Variants in DOCK10 observed in about 807,000 individuals in gnomAD.
DOCK10 encodes the protein dedicator of cytokinesis 10, also known as dedicator of cytokinesis protein 10.
A neutral mutation model predicts 280.1 loss-of-function variants in DOCK10; 145 were observed. That is an observed-to-expected ratio of 0.52 (90% CI 0.45 to 0.59). DOCK10 has a LOEUF of 0.59. Ranked by LOEUF, DOCK10 falls within the 20% of genes least tolerant of loss-of-function variation. DOCK10 has a pLI of 0.00. For missense variants in DOCK10, 2,368 were observed against 2,651.7 expected, an observed-to-expected ratio of 0.89 and a Z score of 2.35; for synonymous variants, 915 against 942.2, an observed-to-expected ratio of 0.97 and a Z score of 0.53.
intron 1 of DOCK10, among the ~76,000 whole-genome samples, chr2:224,979,174 G>C (rs901940324): frequency 6.6e-6 from 1 of 152,076 alleles, no homozygotes; most frequent in Non-Finnish European, 1.5e-5. Context: ...CAGTTAGTGG[G>C]GTTATAGTTA....
intron 11 of DOCK10, 54 bp from the exon 12 acceptor site, chr2:224,865,141 A>G (rs1574959714): frequency 3.1e-5 from 47 of 1,540,660 alleles, no homozygotes; most frequent in Non-Finnish European, 4.1e-5. Context: ...TATCCATGAG[A>G]CAGCCTCGTT....
At position 224,807,756 on chromosome 2, in the gene DOCK10, T is replaced by C. The variant is rs1182892841; in HGVS notation, c.3614A>G (p.Tyr1205Cys). 1 of 1,571,280 alleles carries C rather than the reference T, an allele frequency of 6.4e-7. No homozygotes were observed. Among genetic ancestry groups the C allele is most frequent in the Non-Finnish European group, 8.6e-7 (1 of 1,156,852 alleles). ...CAGGAGCATGCCGTACAGGGGCATG[T>C]ATAAACTTGCTATCTGGGCCTGCTT... ...PRKQAQIASL[Y>C]MPLYGMLLDN... The change falls in exon 33 of 56, where the codon TAC (tyrosine) becomes TGC (cysteine). Residue 1205 changes from tyrosine to cysteine, a missense_variant. Physicochemically the swap from Tyr to Cys is radical, Grantham distance 194. Coordinates refer to ENST00000258390, the MANE Select transcript of DOCK10 (RefSeq NM_014689.3).
At chr2:224,986,746 A>G (rs986196585) in intron 1 of DOCK10, among the ~76,000 whole-genome samples, 2 of 152,164 alleles carry the variant, frequency 1.3e-5, no homozygotes, top group Non-Finnish European at 2.9e-5. Context: ...TTGATCTTCA[A>G]CTTCCAGCCT....
intron 24 of DOCK10, among the ~76,000 whole-genome samples, chr2:224,838,262 C>A (rs1414865834): frequency 6.6e-6 from 1 of 152,184 alleles, no homozygotes; most frequent in South Asian, 2.1e-4. Context: ...TGCCTTCCAA[C>A]CTATAGGCAC....
In DOCK10 at chr2:224,864,505, AT is replaced by A. The variant is rs771353111; in HGVS notation, c.1602+47del. On this transcript the variant is annotated intron_variant, in intron 13 of 55. Transcript: ENST00000258390. ...AGCCTGGGTGACAGGGAGAGACTCT[AT>A]TAAAAAAAAAAAAGGAAGTGAAGTT... 4 of 1,468,972 alleles carry A rather than the reference AT, an allele frequency of 2.7e-6. No homozygotes were observed. In the East Asian group the frequency reaches 1.0e-4, roughly 37 times the overall value. The allele number at this position is 1,468,972 out of a possible 1,614,324, so 91.0% of individuals were successfully genotyped here.
At chr2:224,830,148 G>T (rs1177594151) in intron 27 of DOCK10, among the ~76,000 whole-genome samples, 1 of 152,184 alleles carries the variant, frequency 6.6e-6, no homozygotes, top group Non-Finnish European at 1.5e-5. Flanking sequence ...CCAGTGCAGG[G>T]TTCCTCTAAT....
At chr2:224,851,946 GT>G (rs1696771941) in intron 18 of DOCK10, among the ~76,000 whole-genome samples, 1 of 152,044 alleles carries the variant, frequency 6.6e-6, no homozygotes, top group African/African-American at 2.4e-5. Flanking sequence ...ACTTGGCCAC[GT>G]GCACCTTCCA....
chr2:225,020,688 CAAG>C (rs1244236397), intron 1 of DOCK10, among the ~76,000 whole-genome samples: 1 of 152,130 alleles, frequency 6.6e-6, no homozygotes, highest in Non-Finnish European at 1.5e-5. Context: ...CAACTCAACA[CAAG>C]AAGAATGAAA....
intron 1 of DOCK10, among the ~76,000 whole-genome samples, chr2:224,961,466 C>T (rs866418975): frequency 1.0e-4 from 5 of 48,152 alleles, no homozygotes; most frequent in African/African-American, 3.8e-4. Flanking sequence ...TTCTTTCTTT[C>T]TTTTTCTTTC....
At chr2:224,830,506 A>C in intron 27 of DOCK10, 35 bp downstream of exon 27, 1 of 1,162,844 alleles carries the variant, frequency 8.6e-7, no homozygotes, top group Non-Finnish European at 1.2e-6. Context: ...TAATATTGTA[A>C]AAATATTATA....
At chr2:224,924,336 T>C (rs906962899) in intron 2 of DOCK10, among the ~76,000 whole-genome samples, 3 of 152,148 alleles carry the variant, frequency 2.0e-5, no homozygotes, top group Non-Finnish European at 2.9e-5. Context: ...AGAAACCCCA[T>C]ATCCACTAGC....
At chr2:225,018,341 A>G (rs1689673653) in intron 1 of DOCK10, among the ~76,000 whole-genome samples, 1 of 151,614 alleles carries the variant, frequency 6.6e-6, no homozygotes, top group African/African-American at 2.4e-5. Context: ...CAGGACTGAA[A>G]TAGGGGCCGA....
rs1270880013 is a variant in DOCK10 at position 224,778,218 on chromosome 2, C to T, written c.5722G>A (p.Glu1908Lys). The T allele has an allele frequency of 3.1e-6, 5 of 1,611,872 alleles. No individual in the cohort carries two copies. The highest frequency in any genetic ancestry group is 2.7e-5 in the African/African-American group (2 of 74,908). ...AGCTTGAGTAATCTTTGGGAAATCT[C>T]GGACAGACCTGTCAGCTTAGGCTCT... ...YKEPKLTGLS[E>K]ISQRLLKLYA... The change falls in exon 51 of 56, where the codon GAG becomes AAG. Residue 1908 changes from glutamate to lysine, a missense_variant. Physicochemically the swap from Glu to Lys is moderately conservative, Grantham distance 56. This residue lies in a region of DOCK10 where 1,159 missense variants were observed against 1,400.8 expected (regional missense o/e 0.83). Transcript: ENST00000258390.
Position 224,801,916 on chromosome 2 carries a change from T to G in DOCK10, c.4393A>C (p.Ser1465Arg). ...GTTCCTATTATTTCAGTTTACTTACTGGTCATGGTATTGTCTAACATCTGT... is the reference window on the plus strand; with the variant it reads ...GTTCCTATTATTTCAGTTTACTTACGGGTCATGGTATTGTCTAACATCTGT... ...LLQMLDNTMT[S>R]NSNEIDIVHH... The change falls in exon 40 of 56, where the codon AGC (serine) becomes CGC (arginine). Residue 1465 changes from serine to arginine, a missense_variant and splice_region_variant. Physicochemically the swap from Ser to Arg is moderately radical, Grantham distance 110. This residue lies in a region of DOCK10 where 1,159 missense variants were observed against 1,400.8 expected (regional missense o/e 0.83). Coordinates refer to ENST00000258390, the MANE Select transcript of DOCK10 (RefSeq NM_014689.3). The G allele has an allele frequency of 6.2e-7, 1 of 1,612,724 alleles. No homozygotes were observed. The highest frequency in any genetic ancestry group is 8.5e-7 in the Non-Finnish European group (1 of 1,179,076).
intron 31 of DOCK10, among the ~76,000 whole-genome samples, chr2:224,812,825 C>G (rs1693873230): frequency 6.6e-6 from 1 of 152,170 alleles, no homozygotes; most frequent in African/African-American, 2.4e-5. Flanking sequence ...CCTTGCATCC[C>G]AGGGATGAAG....
intron 25 of DOCK10, among the ~76,000 whole-genome samples, chr2:224,836,851 G>A (rs1410448066): frequency 2.0e-5 from 3 of 151,778 alleles, no homozygotes; most frequent in Non-Finnish European, 2.9e-5. Context: ...CGCCCGCCTC[G>A]GCCTCCCAAA....
chr2:224,836,629 T>C (rs897832789), intron 25 of DOCK10, among the ~76,000 whole-genome samples: 1 of 151,726 alleles, frequency 6.6e-6, no homozygotes. Context: ...AGATGGAGTC[T>C]TGCTCTGTTG....
At chr2:224,982,281 C>G (rs952215192) in intron 1 of DOCK10, 2 of 1,231,912 alleles carry the variant, frequency 1.6e-6, no homozygotes, top group African/African-American at 3.1e-5. Context: ...GATGGTTCCT[C>G]TTGGCGTCGT....
chr2:224,808,929 T>C (rs981059450), intron 31 of DOCK10, among the ~76,000 whole-genome samples: 1 of 151,938 alleles, frequency 6.6e-6, no homozygotes, highest in Non-Finnish European at 1.5e-5. Context: ...TGGGCTGGGG[T>C]AGCAGAAACT....
Sources: gnomAD v4.1 joint callset for allele counts (sites outside exome capture counted in the v4.1 genomes callset) on GRCh38, gnomAD v4.1.1 for gene constraint, gnomAD v4.1.1 regional missense constraint, MANE v1.5 for transcripts, NCBI Gene and HGNC (gene_info 2026-07-23, HGNC 2026-07-21) for gene names.